SCTR: variants seen among roughly 807,000 people sequenced by gnomAD.
SCTR encodes pancreatic secretin receptor.
In SCTR, 56 loss-of-function variants were observed where a neutral mutation model predicts 60.8. That is an observed-to-expected ratio of 0.92 (90% CI 0.74 to 1.15). SCTR has a LOEUF of 1.15. Among genes scored for constraint, SCTR ranks in the 50% most tolerant of loss-of-function variants. SCTR has a pLI of 0.00. For missense variants in SCTR, 562 were observed against 550.4 expected, an observed-to-expected ratio of 1.02 and a Z score of -0.21; for synonymous variants, 202 against 217.0, an observed-to-expected ratio of 0.93 and a Z score of 0.61.
chr2:119,441,748 C>T, intron 11 of SCTR, 149 bp from the exon 12 acceptor site: 1 of 690,502 alleles, frequency 1.4e-6, no homozygotes, highest in East Asian at 2.8e-5. Flanking sequence ...ATTAGGCTAC[C>T]TCTTGTGGGC....
At chr2:119,466,979 C>G (rs1486776026) in intron 4 of SCTR, among the ~76,000 whole-genome samples, 2 of 152,174 alleles carry the variant, frequency 1.3e-5, no homozygotes. Flanking sequence ...CTGATCTATA[C>G]ATTGCGCGCC....
intron 2 of SCTR, among the ~76,000 whole-genome samples, chr2:119,482,533 T>C: frequency 6.6e-6 from 1 of 152,274 alleles, no homozygotes; most frequent in East Asian, 1.9e-4. Flanking sequence ...TCTGTGTCCT[T>C]GGAGGCATAT....
chr2:119,519,295 G>A (rs929075937), intron 1 of SCTR, among the ~76,000 whole-genome samples: 5 of 152,138 alleles, frequency 3.3e-5, no homozygotes, highest in African/African-American at 1.2e-4. Flanking sequence ...CCCCTAAACT[G>A]TTTGGGAACT....
intron 1 of SCTR, among the ~76,000 whole-genome samples, chr2:119,512,397 T>G: frequency 7.4e-6 from 1 of 134,388 alleles, no homozygotes; most frequent in Non-Finnish European, 1.5e-5. Flanking sequence ...CTCCTTCTCC[T>G]TCTTCTTCTT....
At chr2:119,451,242 G>A (rs1683153400) in intron 9 of SCTR, among the ~76,000 whole-genome samples, 1 of 152,008 alleles carries the variant, frequency 6.6e-6, no homozygotes, top group Non-Finnish European at 1.5e-5. Flanking sequence ...CCAAGGGACT[G>A]CTTCCATCCA....
chr2:119,503,338 A>C (rs944338504), intron 1 of SCTR, among the ~76,000 whole-genome samples: 4 of 152,016 alleles, frequency 2.6e-5, no homozygotes. Context: ...AGGCTGAGGC[A>C]AGAGGCTTGC....
rs115233436 is a variant in SCTR, at chr2:119,518,248, G to A, written c.72+5907C>T. 5.7e-3 allele frequency among the ~76,000 whole-genome samples: 870 copies of A among 152,330 alleles called. 1 individual carries two copies. Among genetic ancestry groups the A allele is most frequent in the African/African-American group, 0.02 (817 of 41,568 alleles). ...AAGACAGACGGGAAGGAAAGGAACA[G>A]AGGGTACAATTTAGACACATCTGTA... On this transcript the variant is annotated intron_variant, in intron 1 of 12. Transcript: ENST00000019103.
intron 1 of SCTR, among the ~76,000 whole-genome samples, chr2:119,498,068 T>C (rs981541352): frequency 1.3e-5 from 2 of 151,944 alleles, no homozygotes; most frequent in South Asian, 2.1e-4. Context: ...TCCTTAAAAG[T>C]CCACACCAAG....
At chr2:119,503,437 G>T (rs1678623375) in intron 1 of SCTR, among the ~76,000 whole-genome samples, 1 of 152,118 alleles carries the variant, frequency 6.6e-6, no homozygotes, top group African/African-American at 2.4e-5. Context: ...TGGCATGGTG[G>T]CGTGCATAGG....
rs370096045 is a variant in SCTR, at chr2:119,461,923, G to C, written c.714C>G (p.Leu238=). ...AGATGGCGAGGAGTGTGTGAAGGTAGAGGCCTTCCACCAGCAGCCAGGAGT... is the reference window on the plus strand; with the variant it reads ...AGATGGCGAGGAGTGTGTGAAGGTACAGGCCTTCCACCAGCAGCCAGGAGT... ...ANYSWLLVEG[L]YLHTLLAISF... Residue 238 remains leucine, a synonymous_variant, in exon 7 of 13, where the codon CTC becomes CTG. Coordinates refer to ENST00000019103, the MANE Select transcript of SCTR (RefSeq NM_002980.3). 1 of 1,614,018 alleles carries C rather than the reference G, an allele frequency of 6.2e-7. No individual in the cohort carries two copies. Among genetic ancestry groups the C allele is most frequent in the South Asian group, 1.1e-5 (1 of 91,034 alleles).
At chr2:119,506,439 A>G (rs1018616345) in intron 1 of SCTR, among the ~76,000 whole-genome samples, 6 of 151,836 alleles carry the variant, frequency 4.0e-5, no homozygotes, top group African/African-American at 1.5e-4. Flanking sequence ...CCATTTATCC[A>G]TTTGTATAGC....
chr2:119,439,946 G>A lies in SCTR; in HGVS notation c.*171C>T, dbSNP rs1156786648. On this transcript the variant is annotated 3_prime_UTR_variant, in exon 13 of 13. Transcript: ENST00000019103. ...GAACCAAATCCCAGGCCCTTGTCCT[G>A]CCCCACAGTGCCTCACATCCCTTCG... is the stretch of plus-strand genomic sequence containing the variant. The A allele has an allele frequency of 1.5e-6, 1 of 653,316 alleles. No individual in the cohort carries two copies. The highest frequency in any genetic ancestry group is 2.5e-6 in the Non-Finnish European group (1 of 395,690). The allele number at this position is 653,316 out of a possible 1,614,324, so 40.5% of individuals were successfully genotyped here. A position where few individuals can be genotyped will look rare whatever the true frequency, so the allele number is the denominator to read the frequency against.
At position 119,494,566 on chromosome 2, in the gene SCTR, G is replaced by A. The variant is rs572811940; in HGVS notation, c.73-18C>T. 1 of 1,613,088 alleles carries A rather than the reference G, an allele frequency of 6.2e-7. No individual in the cohort carries two copies. Among genetic ancestry groups the A allele is most frequent in the East Asian group, 2.2e-5 (1 of 44,832 alleles). On this transcript the variant is annotated intron_variant, in intron 1 of 12. Transcript: ENST00000019103. ...GCTCCAGTCTGCAAGTCCAAAACCAGGGATGCTCATCATTGCCACTAACTC... is the reference window on the plus strand; with the variant it reads ...GCTCCAGTCTGCAAGTCCAAAACCAAGGATGCTCATCATTGCCACTAACTC...
intron 7 of SCTR, 135 bp from the exon 8 acceptor site, chr2:119,453,482 C>CTGCCATCTTG (rs1211608864): frequency 1.4e-6 from 1 of 705,074 alleles, no homozygotes. Context: ...AGAAACCCCT[C>CTGCCATCTTG]TGCCATCTTG....
chr2:119,469,157 C>T (rs569287529), intron 4 of SCTR, among the ~76,000 whole-genome samples: 12 of 152,236 alleles, frequency 7.9e-5, no homozygotes, highest in African/African-American at 2.9e-4. Flanking sequence ...GGCTTTGGGA[C>T]ATCAAAGACC....
chr2:119,480,611 G>A (rs1000083919), intron 2 of SCTR: 2 of 152,120 alleles, frequency 1.3e-5, no homozygotes, highest in African/African-American at 2.4e-5. Context: ...CAAGCTGTTC[G>A]GCAGGTATTC....
At chr2:119,512,618 A>G (rs894600836) in intron 1 of SCTR, among the ~76,000 whole-genome samples, 5 of 152,144 alleles carry the variant, frequency 3.3e-5, no homozygotes, top group Non-Finnish European at 5.9e-5. Context: ...GCTGGTCTCC[A>G]ACTCCTGACC....
intron 4 of SCTR, among the ~76,000 whole-genome samples, chr2:119,472,872 C>A (rs1179290726): frequency 6.6e-6 from 1 of 152,154 alleles, no homozygotes; most frequent in Non-Finnish European, 1.5e-5. Context: ...GCAATCCTCC[C>A]ACCTCATCCT....
intron 9 of SCTR, among the ~76,000 whole-genome samples, chr2:119,450,376 C>T (rs1683116004): frequency 6.6e-6 from 1 of 152,118 alleles, no homozygotes; most frequent in African/African-American, 2.4e-5. Context: ...TTGTCCTGGG[C>T]TGGGCTCTCC....
Sources: gnomAD v4.1 joint callset for allele counts (sites outside exome capture counted in the v4.1 genomes callset) on GRCh38, gnomAD v4.1.1 for gene constraint, MANE v1.5 for transcripts, NCBI Gene and HGNC (gene_info 2026-07-23, HGNC 2026-07-21) for gene names.